The following SNTG1 variants were observed in gnomAD, a reference collection of about 807,000 sequenced individuals.
The protein encoded by SNTG1 is gamma-1-syntrophin.
SNTG1 carries 39 observed loss-of-function variants against 74.7 expected under a neutral mutation model. The ratio of observed to expected loss-of-function variants is 0.52; its 90% confidence interval spans 0.40 to 0.68. The LOEUF is 0.68. Among genes scored for constraint, SNTG1 ranks in the 30% least tolerant of loss-of-function variants. The pLI, the probability that SNTG1 is intolerant of heterozygous loss-of-function variation, is 0.00. For synonymous variants in SNTG1, 254 were observed against 217.1 expected, an observed-to-expected ratio of 1.17 and a Z score of -1.49; for missense variants, 685 against 609.5, an observed-to-expected ratio of 1.12 and a Z score of -1.30.
Position 50,716,899 on chromosome 8 carries a change from A to ATT in SNTG1, c.1284+7930_1284+7931dup, listed in dbSNP as rs113275733. ...AGGGGCCCGCCACCATGCCCGGCTAATTTTTTTTTTGCATTTTTAGTGGAG... is the reference window on the plus strand; with the variant it reads ...AGGGGCCCGCCACCATGCCCGGCTAATTTTTTTTTTTTGCATTTTTAGTGGAG... On this transcript the variant is annotated intron_variant, in intron 17 of 18. Transcript: ENST00000642720. 1.7e-3 allele frequency among the ~76,000 whole-genome samples: 259 copies of ATT among 148,586 alleles called. 1 individual carries two copies. Among genetic ancestry groups the ATT allele is most frequent in the Middle Eastern group, 6.8e-3 (2 of 294 alleles).
At chr8:50,150,734 A>T (rs944132565) in intron 1 of SNTG1, among the ~76,000 whole-genome samples, 1 of 152,090 alleles carries the variant, frequency 6.6e-6, no homozygotes, top group African/African-American at 2.4e-5. Context: ...TGTATGTTGA[A>T]CCAGACTTGC....
At chr8:50,552,946 T>C in intron 11 of SNTG1, 104 bp from the exon 12 acceptor site, 1 of 1,370,264 alleles carries the variant, frequency 7.3e-7, no homozygotes, top group Non-Finnish European at 9.9e-7. Context: ...TGGAGGCTGA[T>C]ATTTATATTG....
chr8:50,143,057 G>T (rs1390392371), intron 1 of SNTG1, among the ~76,000 whole-genome samples: 9 of 151,920 alleles, frequency 5.9e-5, no homozygotes, highest in African/African-American at 2.2e-4. Context: ...CTGGGGGCCA[G>T]AGCAAGACTC....
intron 1 of SNTG1, among the ~76,000 whole-genome samples, chr8:49,975,949 T>C (rs1812154997): frequency 6.6e-6 from 1 of 152,220 alleles, no homozygotes; most frequent in Non-Finnish European, 1.5e-5. Flanking sequence ...TGTCTTTCAT[T>C]TATTTTTTCA....
chr8:50,156,841 G>C (rs189491199), intron 1 of SNTG1, among the ~76,000 whole-genome samples: 1 of 152,144 alleles, frequency 6.6e-6, no homozygotes, highest in East Asian at 1.9e-4. Flanking sequence ...ACACCCACTA[G>C]AATAACTAAA....
intron 1 of SNTG1, among the ~76,000 whole-genome samples, chr8:49,966,340 G>A (rs1030659464): frequency 1.3e-5 from 2 of 150,910 alleles, no homozygotes; most frequent in African/African-American, 4.9e-5. Context: ...TACCATTTTT[G>A]TTTTTCCTGT....
chr8:50,612,762 C>T lies in SNTG1; in HGVS notation c.849+21845C>T, dbSNP rs1417318118. Among the ~76,000 whole-genome samples the T allele has an allele frequency of 1.3e-5, 2 of 152,150 alleles. 1 individual carries two copies. Among genetic ancestry groups the T allele is most frequent in the Admixed American group, 1.3e-4 (2 of 15,268 alleles). On this transcript the variant is annotated intron_variant, in intron 13 of 18. Coordinates refer to ENST00000642720, the MANE Select transcript of SNTG1 (RefSeq NM_018967.5). ...TAGAAGTCCAAGTAGGTGAATTTTT[C>T]AGGACGTAAGAGCAATAGAGTCGTG...
intron 1 of SNTG1, among the ~76,000 whole-genome samples, chr8:50,010,556 A>G (rs1426584287): frequency 6.6e-6 from 1 of 152,150 alleles, no homozygotes; most frequent in Non-Finnish European, 1.5e-5. Flanking sequence ...CATATACCCT[A>G]AAGAATCACC....
At chr8:49,950,635 A>C (rs1809619505) in intron 1 of SNTG1, among the ~76,000 whole-genome samples, 1 of 152,234 alleles carries the variant, frequency 6.6e-6, no homozygotes, top group South Asian at 2.1e-4. Flanking sequence ...GAAGGCAGAG[A>C]TATTTCATCT....
At chr8:50,523,184 A>T (rs2094194090) in intron 9 of SNTG1, among the ~76,000 whole-genome samples, 1 of 152,062 alleles carries the variant, frequency 6.6e-6, no homozygotes, top group Non-Finnish European at 1.5e-5. Context: ...CTGGATTAAG[A>T]TTTGGCTTAA....
intron 13 of SNTG1, among the ~76,000 whole-genome samples, chr8:50,609,497 C>G (rs1030962315): frequency 6.6e-6 from 1 of 152,012 alleles, no homozygotes; most frequent in Non-Finnish European, 1.5e-5. Flanking sequence ...GTTTAATATT[C>G]CTAGCTGTAC....
chr8:50,701,281 G>A (rs13251980), intron 15 of SNTG1, among the ~76,000 whole-genome samples: 85,514 of 151,960 alleles, frequency 0.56, 26,187 homozygotes, highest in East Asian at 0.68. Context: ...TAAAGAGAGG[G>A]CATACTAAAA....
chr8:50,554,494 G>A (rs1368609293), intron 12 of SNTG1, among the ~76,000 whole-genome samples: 1 of 139,686 alleles, frequency 7.2e-6, no homozygotes, highest in Admixed American at 7.1e-5. Flanking sequence ...TTTTTTTTCT[G>A]GTGGTTCCAG....
chr8:50,313,497 A>G (rs1282728735), intron 2 of SNTG1, among the ~76,000 whole-genome samples: 1 of 149,800 alleles, frequency 6.7e-6, no homozygotes, highest in Non-Finnish European at 1.5e-5. Context: ...TGGGCAAATG[A>G]TCTGAGTAGA....
At chr8:50,470,146 T>C (rs1402974090) in intron 8 of SNTG1, among the ~76,000 whole-genome samples, 1 of 152,140 alleles carries the variant, frequency 6.6e-6, no homozygotes, top group Non-Finnish European at 1.5e-5. Context: ...CAAAAATGAA[T>C]TGAAGGAATA....
intron 2 of SNTG1, among the ~76,000 whole-genome samples, chr8:50,341,993 G>T (rs1404589518): frequency 6.6e-6 from 1 of 151,748 alleles, no homozygotes; most frequent in Non-Finnish European, 1.5e-5. Context: ...TCCAAATATT[G>T]TGCTTTTCAT....
intron 1 of SNTG1, among the ~76,000 whole-genome samples, chr8:49,936,819 C>G (rs987585766): frequency 1.3e-5 from 2 of 152,104 alleles, no homozygotes; most frequent in Admixed American, 1.3e-4. Context: ...TATTGAAATA[C>G]TTATTGATAC....
intron 15 of SNTG1, among the ~76,000 whole-genome samples, chr8:50,699,962 G>A (rs2095417955): frequency 6.6e-6 from 1 of 152,098 alleles, no homozygotes. Flanking sequence ...AGTGATGAGT[G>A]AAGGAAGCTA....
chr8:50,011,976 A>G (rs1366350025), intron 1 of SNTG1: 1 of 152,136 alleles, frequency 6.6e-6, no homozygotes, highest in African/African-American at 2.4e-5. Context: ...ATATTTGGAA[A>G]CATCCCATGG....
Sources: allele counts gnomAD v4.1 joint callset (sites outside exome capture counted in the v4.1 genomes callset), GRCh38; gene constraint gnomAD v4.1.1; transcripts MANE v1.5; gene names NCBI Gene and HGNC (gene_info 2026-07-23, HGNC 2026-07-21).